Variants in PTP4A1 observed in about 807,000 individuals in gnomAD.
PTP4A1 encodes the protein protein tyrosine phosphatase 4A1.
A neutral mutation model predicts 20.5 loss-of-function variants in PTP4A1; 9 were observed. The observed-to-expected ratio is 0.44, with a 90% CI of 0.26 to 0.77. PTP4A1 has a LOEUF of 0.77. PTP4A1 is among the 30% of genes least tolerant of loss of function. PTP4A1 has a pLI of 0.19. For synonymous variants in PTP4A1, 78 were observed against 67.4 expected (o/e 1.16, Z -0.77); for missense variants, 137 against 218.8 (o/e 0.63, Z 2.36).
At chr6:63,541,929 C>G (rs1423689546) in intron 2 of PTP4A1, among the ~76,000 whole-genome samples, 1 of 151,852 alleles carries the variant, frequency 6.6e-6, no homozygotes, top group African/African-American at 2.4e-5. Context: ...CTTTTTCTGC[C>G]ATTTTAAAAT....
chr6:63,579,364 TC>T (rs1251288891), intron 5 of PTP4A1, 33 bp downstream of exon 5: 7 of 1,498,920 alleles, frequency 4.7e-6, no homozygotes, highest in Non-Finnish European at 4.6e-6. Flanking sequence ...ATTTGTACTC[TC>T]TTTCATTTCC....
At chr6:63,519,422 C>A (rs1774844700), upstream of PTP4A1, among the ~76,000 whole-genome samples, 1 of 152,130 alleles carries the variant, frequency 6.6e-6, no homozygotes, top group Non-Finnish European at 1.5e-5. Flanking sequence ...CTTTTCATAG[C>A]TTTTTGGATT....
chr6:63,553,438 T>C (rs1776535985), intron 3 of PTP4A1, among the ~76,000 whole-genome samples: 2 of 152,190 alleles, frequency 1.3e-5, no homozygotes, highest in African/African-American at 4.8e-5. Flanking sequence ...GCTTCCTCCT[T>C]ATAAATAACC....
upstream of PTP4A1, among the ~76,000 whole-genome samples, chr6:63,569,805 G>A (rs554763519): frequency 9.9e-5 from 15 of 152,212 alleles, no homozygotes; most frequent in South Asian, 3.1e-3. Context: ...TTTGATGTCT[G>A]GAAGCACTAT....
chr6:63,566,581 C>T (rs1034257629), intron 3 of PTP4A1, among the ~76,000 whole-genome samples: 2 of 152,146 alleles, frequency 1.3e-5, no homozygotes, highest in Non-Finnish European at 2.9e-5. Flanking sequence ...TTTAAAAATA[C>T]TTTTGCTAAA....
At chr6:63,572,952 C>G (rs964362180) in intron 1 of PTP4A1, among the ~76,000 whole-genome samples, 3 of 152,126 alleles carry the variant, frequency 2.0e-5, no homozygotes, top group African/African-American at 7.2e-5. Flanking sequence ...GGTTGGCCGC[C>G]GGAGGCACCG....
intron 1 of PTP4A1, among the ~76,000 whole-genome samples, chr6:63,575,083 A>G (rs1777765199): frequency 6.6e-6 from 1 of 152,246 alleles, no homozygotes; most frequent in Non-Finnish European, 1.5e-5. Flanking sequence ...TAATCATCAT[A>G]AGAATTATTC....
intron 2 of PTP4A1, among the ~76,000 whole-genome samples, chr6:63,550,007 C>G (rs776701160): frequency 2.6e-5 from 4 of 152,122 alleles, no homozygotes; most frequent in African/African-American, 9.7e-5. Context: ...GAGGAACACA[C>G]TAATTACTCT....
chr6:63,530,904 A>C (rs1775428979), intron 2 of PTP4A1, among the ~76,000 whole-genome samples: 1 of 152,208 alleles, frequency 6.6e-6, no homozygotes, highest in Non-Finnish European at 1.5e-5. Flanking sequence ...AGATGTAATG[A>C]TTAGAATGGT....
intron 3 of PTP4A1, among the ~76,000 whole-genome samples, chr6:63,562,743 T>C (rs1243358916): frequency 2.0e-5 from 3 of 152,220 alleles, no homozygotes; most frequent in Non-Finnish European, 4.4e-5. Flanking sequence ...TACCTAAATA[T>C]ACAACTTTTA....
At chr6:63,577,027 A>G (rs770801394) in intron 2 of PTP4A1, 42 bp downstream of exon 2, 54 of 1,470,546 alleles carry the variant, frequency 3.7e-5, no homozygotes, top group Non-Finnish European at 1.9e-6. Flanking sequence ...TGATTGCAAT[A>G]TAATAGTGGG....
upstream of PTP4A1, among the ~76,000 whole-genome samples, chr6:63,518,469 G>A (rs1036152429): frequency 1.3e-5 from 2 of 152,176 alleles, no homozygotes; most frequent in Admixed American, 1.3e-4. Flanking sequence ...GAATCCAACA[G>A]AGGTAAAGGA....
chr6:63,554,520 G>C (rs898933299), intron 3 of PTP4A1, among the ~76,000 whole-genome samples: 3 of 152,100 alleles, frequency 2.0e-5, no homozygotes, highest in Non-Finnish European at 2.9e-5. Context: ...AATTTAGGCC[G>C]GGCACGGTGG....
At chr6:63,546,182 C>G (rs543514089) in intron 2 of PTP4A1, among the ~76,000 whole-genome samples, 6 of 152,106 alleles carry the variant, frequency 3.9e-5, no homozygotes, top group Non-Finnish European at 8.8e-5. Flanking sequence ...AGTATATACA[C>G]ACACAGGAAT....
chr6:63,551,365 C>T (rs563154785), intron 3 of PTP4A1, among the ~76,000 whole-genome samples: 4 of 152,128 alleles, frequency 2.6e-5, no homozygotes, highest in South Asian at 2.1e-4. Flanking sequence ...TGCACCCAGC[C>T]GCTGTGGGTA....
intron 2 of PTP4A1, among the ~76,000 whole-genome samples, chr6:63,548,152 C>A (rs904983209): frequency 6.6e-5 from 10 of 152,142 alleles, no homozygotes; most frequent in Non-Finnish European, 1.0e-4. Context: ...AGTTAGATGA[C>A]CCTCTCTGAT....
chr6:63,547,822 T>C (rs1277945714), intron 2 of PTP4A1, among the ~76,000 whole-genome samples: 1 of 152,092 alleles, frequency 6.6e-6, no homozygotes, highest in Non-Finnish European at 1.5e-5. Flanking sequence ...AGGGGGGGAT[T>C]TGTTAATGCT....
intron 3 of PTP4A1, among the ~76,000 whole-genome samples, chr6:63,565,524 C>T (rs1236542032): frequency 5.3e-5 from 8 of 152,110 alleles, no homozygotes; most frequent in Admixed American, 3.9e-4. Flanking sequence ...GATATGATGA[C>T]TTGATAAGAT....
intron 1 of PTP4A1, among the ~76,000 whole-genome samples, chr6:63,524,479 C>T (rs1775075864): frequency 6.6e-6 from 1 of 151,960 alleles, no homozygotes; most frequent in South Asian, 2.1e-4. Flanking sequence ...GTGAGAACTT[C>T]AAGGTAGTAT....
Sources: gnomAD v4.1 joint callset for allele counts (sites outside exome capture counted in the v4.1 genomes callset) on GRCh38, gnomAD v4.1.1 for gene constraint, MANE v1.5 for transcripts, NCBI Gene and HGNC (gene_info 2026-07-23, HGNC 2026-07-21) for gene names.